The following TNS3 variants were observed in gnomAD, a reference collection of about 807,000 sequenced individuals.
TNS3 encodes the protein tensin 3.
TNS3 carries 45 observed loss-of-function variants against 140.9 expected under a neutral mutation model. The ratio of observed to expected loss-of-function variants is 0.32; its 90% CI spans 0.25 to 0.41. The LOEUF (loss-of-function observed/expected upper bound fraction) is 0.41, where lower values mean the gene tolerates loss of function less well. Ranked by LOEUF, TNS3 falls within the 10% of genes least tolerant of loss-of-function variation. The pLI, the probability that TNS3 is intolerant of heterozygous loss-of-function variation, is 1.00. For missense variants in TNS3, 1,716 were observed against 1,906.7 expected, an observed-to-expected ratio of 0.90 and a Z score of 1.86; for synonymous variants, 815 against 788.4, an observed-to-expected ratio of 1.03 and a Z score of -0.56.
chr7:47,566,837 C>T (rs58145112), intron 1 of TNS3, among the ~76,000 whole-genome samples: 6,007 of 151,994 alleles, frequency 0.04, 371 homozygotes, highest in African/African-American at 0.14. Context: ...TGCAGGAGTT[C>T]GAGACCAGCC....
chr7:47,419,018 G>A (rs1183929553), intron 10 of TNS3, among the ~76,000 whole-genome samples: 1 of 152,236 alleles, frequency 6.6e-6, no homozygotes, highest in Non-Finnish European at 1.5e-5. Context: ...AGGTGAGCTG[G>A]GCCACCTGTT....
intron 20 of TNS3, among the ~76,000 whole-genome samples, chr7:47,315,553 C>T (rs993962679): frequency 5.3e-5 from 8 of 152,172 alleles, no homozygotes; most frequent in African/African-American, 1.9e-4. Context: ...AAGCTGGATA[C>T]CACTCATTCT....
chr7:47,487,609 A>G (rs1183871540), intron 3 of TNS3, among the ~76,000 whole-genome samples: 1 of 152,196 alleles, frequency 6.6e-6, no homozygotes, highest in Non-Finnish European at 1.5e-5. Flanking sequence ...GACAGCATTC[A>G]GGTGCAAAAC....
intron 23 of TNS3, among the ~76,000 whole-genome samples, chr7:47,301,274 C>G (rs915724961): frequency 1.3e-5 from 2 of 152,170 alleles, no homozygotes; most frequent in South Asian, 2.1e-4. Flanking sequence ...TCCTAGGAAT[C>G]CTGACTCCGT....
intron 1 of TNS3, among the ~76,000 whole-genome samples, chr7:47,541,578 A>C (rs1414767467): frequency 6.6e-6 from 1 of 152,192 alleles, no homozygotes; most frequent in Admixed American, 6.5e-5. Flanking sequence ...CTTGGAGATC[A>C]AAATAGTGAT....
intron 1 of TNS3, among the ~76,000 whole-genome samples, chr7:47,556,817 C>T (rs1235138545): frequency 1.3e-5 from 2 of 152,198 alleles, no homozygotes; most frequent in Non-Finnish European, 2.9e-5. Flanking sequence ...CTCCCATAAA[C>T]CCAAATGGCA....
At chr7:47,402,236 CA>C (rs945720945) in intron 13 of TNS3, among the ~76,000 whole-genome samples, 6 of 151,936 alleles carry the variant, frequency 3.9e-5, no homozygotes, top group Admixed American at 2.0e-4. Flanking sequence ...GTAAATAAAC[CA>C]AAAAAATATA....
chr7:47,295,615 TTC>T (rs1785965318), intron 24 of TNS3, among the ~76,000 whole-genome samples: 1 of 152,184 alleles, frequency 6.6e-6, no homozygotes, highest in Non-Finnish European at 1.5e-5. Context: ...ACACAACGCC[TTC>T]TCTCTACTTC....
intron 10 of TNS3, among the ~76,000 whole-genome samples, chr7:47,421,264 C>T (rs1046842767): frequency 4.6e-5 from 7 of 152,122 alleles, no homozygotes; most frequent in Admixed American, 2.0e-4. Context: ...AAACTATACC[C>T]GGATTTTTGG....
chr7:47,470,347 A>G (rs1356019231), intron 4 of TNS3: 2 of 718,498 alleles, frequency 2.8e-6, no homozygotes, highest in Non-Finnish European at 3.4e-6. Flanking sequence ...GAAGTTTTTA[A>G]ACTTTAAAAA....
At chr7:47,396,600 AC>A in intron 16 of TNS3, 199 bp downstream of exon 16, 1 of 588,262 alleles carries the variant, frequency 1.7e-6, no homozygotes, top group East Asian at 2.9e-5. Context: ...AAAAGCCCTG[AC>A]CCAAACTCAC....
chr7:47,328,214 C>T (rs976138940), intron 20 of TNS3, among the ~76,000 whole-genome samples: 9 of 152,120 alleles, frequency 5.9e-5, no homozygotes, highest in African/African-American at 1.4e-4. Context: ...ATTCAGAGGG[C>T]GGCCGAGAGA....
At chr7:47,385,811 G>A (rs1792041651) in intron 16 of TNS3, among the ~76,000 whole-genome samples, 1 of 152,102 alleles carries the variant, frequency 6.6e-6, no homozygotes, top group Non-Finnish European at 1.5e-5. Context: ...TCCTAGTCAG[G>A]GGCCCAGCAG....
chr7:47,496,990 G>C (rs1295262770), intron 3 of TNS3, among the ~76,000 whole-genome samples: 1 of 152,288 alleles, frequency 6.6e-6, no homozygotes, highest in African/African-American at 2.4e-5. Context: ...TTGGATTCCA[G>C]TGTCAGAAAA....
At chr7:47,380,019 G>C (rs1017529695) in intron 16 of TNS3, among the ~76,000 whole-genome samples, 1 of 152,256 alleles carries the variant, frequency 6.6e-6, no homozygotes, top group Non-Finnish European at 1.5e-5. Context: ...TGCCTCTCTG[G>C]GAAGGGAAGG....
intron 20 of TNS3, among the ~76,000 whole-genome samples, chr7:47,339,849 C>A (rs74600979): frequency 0.015 from 2,324 of 151,496 alleles, 46 homozygotes; most frequent in African/African-American, 0.053. Flanking sequence ...TTGAAATATT[C>A]TGTGGTTTCC....
At chr7:47,394,930 T>A (rs1792739809) in intron 16 of TNS3, among the ~76,000 whole-genome samples, 1 of 152,214 alleles carries the variant, frequency 6.6e-6, no homozygotes, top group South Asian at 2.1e-4. Flanking sequence ...GGGCACCCAA[T>A]GAGGGACTGA....
At chr7:47,522,477 C>T (rs1263624536) in intron 2 of TNS3, among the ~76,000 whole-genome samples, 1 of 152,206 alleles carries the variant, frequency 6.6e-6, no homozygotes, top group Non-Finnish European at 1.5e-5. Context: ...TCCACAGGGA[C>T]CCTTGGCCTC....
At chr7:47,319,262 T>C (rs1179222848) in intron 20 of TNS3, among the ~76,000 whole-genome samples, 1 of 152,178 alleles carries the variant, frequency 6.6e-6, no homozygotes, top group Non-Finnish European at 1.5e-5. Context: ...CTTCCATTGA[T>C]GTGCACTCTG....
Sources: allele counts gnomAD v4.1 joint callset (sites outside exome capture counted in the v4.1 genomes callset), GRCh38; gene constraint gnomAD v4.1.1; transcripts MANE v1.5; gene names NCBI Gene and HGNC (gene_info 2026-07-23, HGNC 2026-07-21).